CNTN6: variants seen among roughly 807,000 people sequenced by gnomAD.
CNTN6 encodes contactin-6.
In CNTN6, 137 loss-of-function variants were observed where a neutral mutation model predicts 122.8. That is an observed-to-expected ratio of 1.12 (90% CI 0.97 to 1.29). The LOEUF (loss-of-function observed/expected upper bound fraction) is 1.29. CNTN6 is among the 50% of genes most tolerant of loss of function. The probability of loss-of-function intolerance (pLI) is 0.00; values close to 1 mark genes in which losing one functional copy is unlikely to be tolerated. For synonymous variants in CNTN6, 570 were observed against 426.0 expected (o/e 1.34, Z -4.16); for missense variants, 1,634 against 1,223.4 (o/e 1.34, Z -5.01).
intron 22 of CNTN6, 88 bp downstream of exon 22, chr3:1,402,574 C>A (rs192980422): frequency 9.2e-7 from 1 of 1,091,888 alleles, no homozygotes; most frequent in Non-Finnish European, 1.3e-6. Context: ...CCAGTTATGG[C>A]TTAAATGTTG....
chr3:1,315,048 G>A (rs1248896715), intron 7 of CNTN6, among the ~76,000 whole-genome samples: 1 of 151,904 alleles, frequency 6.6e-6, no homozygotes, highest in Admixed American at 6.6e-5. Flanking sequence ...AGTTTAAAGG[G>A]AAATGTTGCC....
chr3:1,255,660 TC>T (rs1559625892), intron 4 of CNTN6, among the ~76,000 whole-genome samples: 1 of 152,040 alleles, frequency 6.6e-6, no homozygotes, highest in African/African-American at 2.4e-5. Flanking sequence ...TTATATATAA[TC>T]TAAGTTTAAA....
At chr3:1,289,896 G>C (rs1045971140) in intron 5 of CNTN6, among the ~76,000 whole-genome samples, 20 of 152,038 alleles carry the variant, frequency 1.3e-4, no homozygotes, top group African/African-American at 4.8e-4. Flanking sequence ...GGATGGTCTC[G>C]ATCTCCTGAC....
intron 1 of CNTN6, among the ~76,000 whole-genome samples, chr3:1,094,605 T>C (rs780475498): frequency 6.6e-6 from 1 of 152,140 alleles, no homozygotes; most frequent in Non-Finnish European, 1.5e-5. Flanking sequence ...AGAATTTTTT[T>C]TTAGAATTTT....
intron 11 of CNTN6, among the ~76,000 whole-genome samples, chr3:1,351,044 A>T (rs575255890): frequency 6.6e-6 from 1 of 151,968 alleles, no homozygotes; most frequent in African/African-American, 2.4e-5. Flanking sequence ...ACTCTAAGAT[A>T]ATGACTTTAA....
chr3:1,142,430 A>T (rs1209907659), intron 1 of CNTN6, among the ~76,000 whole-genome samples: 2 of 152,162 alleles, frequency 1.3e-5, no homozygotes, highest in Non-Finnish European at 2.9e-5. Flanking sequence ...TTCAAAATAC[A>T]GGACTGCATC....
intron 20 of CNTN6, among the ~76,000 whole-genome samples, chr3:1,391,566 A>C (rs1224189752): frequency 1.3e-3 from 191 of 145,786 alleles, no homozygotes; most frequent in Non-Finnish European, 2.5e-3. Context: ...GCAATTAGGC[A>C]GGAGAAGGAA....
chr3:1,349,953 A>G (rs1705369211), intron 11 of CNTN6, among the ~76,000 whole-genome samples: 1 of 151,834 alleles, frequency 6.6e-6, no homozygotes, highest in African/African-American at 2.4e-5. Flanking sequence ...CAACAGAGAG[A>G]ACTTTTAAAG....
At chr3:1,243,025 C>G (rs1293137042) in intron 4 of CNTN6, among the ~76,000 whole-genome samples, 1 of 151,990 alleles carries the variant, frequency 6.6e-6, no homozygotes, top group Non-Finnish European at 1.5e-5. Context: ...GCTCGGCGTC[C>G]GTGATGGTCT....
intron 4 of CNTN6, among the ~76,000 whole-genome samples, chr3:1,273,217 C>T (rs1408617350): frequency 6.6e-6 from 1 of 152,198 alleles, no homozygotes; most frequent in Admixed American, 6.5e-5. Context: ...GTATCCCGTG[C>T]ACAAGGGCAG....
At chr3:1,097,936 T>G (rs1009574334) in intron 1 of CNTN6, among the ~76,000 whole-genome samples, 35 of 152,264 alleles carry the variant, frequency 2.3e-4, no homozygotes, top group Middle Eastern at 6.8e-3. Context: ...GAATTAAATT[T>G]GGAGTGTAAA....
chr3:1,270,132 C>T lies in CNTN6; in HGVS notation c.359-8281C>T, dbSNP rs181186998. 1.2e-4 allele frequency among the ~76,000 whole-genome samples: 18 copies of T among 152,190 alleles called. No homozygotes were observed. The East Asian group carries it at 3.3e-3, about 28-fold the overall frequency. On this transcript the variant is annotated intron_variant, in intron 4 of 22. Coordinates refer to ENST00000446702, the MANE Select transcript of CNTN6 (RefSeq NM_001289080.2). ...GGAAACATAATAATATCATGAACACCATGACTGAGTATATAGCATCCAGAA... is the reference window on the plus strand; with the variant it reads ...GGAAACATAATAATATCATGAACACTATGACTGAGTATATAGCATCCAGAA...
intron 7 of CNTN6, among the ~76,000 whole-genome samples, chr3:1,317,845 G>T (rs1398037769): frequency 6.7e-6 from 1 of 149,458 alleles, no homozygotes; most frequent in Non-Finnish European, 1.5e-5. Flanking sequence ...ACTGAAATGA[G>T]ATGGGGAGGA....
In CNTN6 at chr3:1,154,448, C is replaced by CTTTTCTTTTT. The variant is rs1575043271; in HGVS notation, c.55+6389_55+6390insCTTTTTTTTT. 2.3e-3 allele frequency among the ~76,000 whole-genome samples: 322 copies of CTTTTCTTTTT among 140,498 alleles called. 2 individuals carry two copies. The highest frequency in any genetic ancestry group is 8.3e-3 in the African/African-American group (301 of 36,328). The allele number at this position is 140,498 out of a possible 152,430, so 92.2% of individuals were successfully genotyped here. ...ATAATATTTTTCTTTTCTTTTCTTT[C>CTTTTCTTTTT]TTTTTTTTTTTTGAGGTGGAGTTTT... On this transcript the variant is annotated intron_variant, in intron 2 of 22. Coordinates refer to ENST00000446702, the MANE Select transcript of CNTN6 (RefSeq NM_001289080.2).
At chr3:1,365,775 A>C (rs1270151577) in intron 12 of CNTN6, among the ~76,000 whole-genome samples, 2 of 152,152 alleles carry the variant, frequency 1.3e-5, no homozygotes, top group Non-Finnish European at 2.9e-5. Context: ...ATATGTTAAA[A>C]TGTTTAAGAA....
At chr3:1,202,836 A>G (rs2093904936) in intron 2 of CNTN6, among the ~76,000 whole-genome samples, 1 of 152,242 alleles carries the variant, frequency 6.6e-6, no homozygotes, top group Non-Finnish European at 1.5e-5. Context: ...TGTCATCTCC[A>G]TAAACTATCC....
intron 7 of CNTN6, among the ~76,000 whole-genome samples, chr3:1,318,723 G>A (rs1700448115): frequency 6.6e-6 from 1 of 151,784 alleles, no homozygotes; most frequent in Non-Finnish European, 1.5e-5. Flanking sequence ...CACGGGAGCT[G>A]GAGAAGTTAT....
intron 2 of CNTN6, among the ~76,000 whole-genome samples, chr3:1,212,553 G>C (rs1222717620): frequency 6.6e-6 from 1 of 151,108 alleles, no homozygotes; most frequent in African/African-American, 2.4e-5. Context: ...ACATATATAT[G>C]TGTATACACA....
chr3:1,326,668 C>T (rs1701585587), intron 9 of CNTN6, among the ~76,000 whole-genome samples: 1 of 151,820 alleles, frequency 6.6e-6, no homozygotes, highest in South Asian at 2.1e-4. Flanking sequence ...GTCAATTCTC[C>T]ATTTTACTTT....
Sources: gnomAD v4.1 joint callset for allele counts (sites outside exome capture counted in the v4.1 genomes callset) on GRCh38, gnomAD v4.1.1 for gene constraint, MANE v1.5 for transcripts, NCBI Gene and HGNC (gene_info 2026-07-23, HGNC 2026-07-21) for gene names.